CRYL1: variants seen among roughly 807,000 people sequenced by gnomAD.
CRYL1 encodes lambda-crystallin homolog.
In CRYL1, 29 loss-of-function variants were observed where a neutral mutation model predicts 36.6. The ratio of observed to expected loss-of-function variants is 0.79; its 90% CI spans 0.59 to 1.08. The LOEUF is 1.08. Among genes scored for constraint, CRYL1 ranks in the 50% least tolerant of loss-of-function variants. The probability of loss-of-function intolerance (pLI) is 0.00; values close to 1 mark genes in which losing one functional copy is unlikely to be tolerated. For missense variants in CRYL1, 411 were observed against 407.9 expected, an observed-to-expected ratio of 1.01 and a Z score of -0.06; for synonymous variants, 152 against 151.5, an observed-to-expected ratio of 1.00 and a Z score of -0.02.
chr13:20,423,955 G>A (rs1229865418), intron 5 of CRYL1, among the ~76,000 whole-genome samples: 4 of 152,078 alleles, frequency 2.6e-5, no homozygotes, highest in East Asian at 1.9e-4. Flanking sequence ...ATTTTTAATA[G>A]AGACGGGGTT....
intron 3 of CRYL1, among the ~76,000 whole-genome samples, chr13:20,466,047 C>A (rs1283229879): frequency 6.6e-6 from 1 of 152,070 alleles, no homozygotes; most frequent in East Asian, 1.9e-4. Context: ...GTGGGAGCAG[C>A]CTAAAGCCCT....
chr13:20,410,539 T>C (rs1394818813), intron 6 of CRYL1, among the ~76,000 whole-genome samples: 2 of 151,752 alleles, frequency 1.3e-5, no homozygotes, highest in Non-Finnish European at 2.9e-5. Flanking sequence ...ATAATAATAA[T>C]AAATAAATAA....
intron 1 of CRYL1, among the ~76,000 whole-genome samples, chr13:20,522,257 G>A (rs575511278): frequency 6.8e-4 from 104 of 152,208 alleles, no homozygotes; most frequent in Middle Eastern, 3.4e-3. Context: ...GGCTGAGGCA[G>A]GAGAATTGCT....
At chr13:20,470,825 G>A (rs573009017) in intron 3 of CRYL1, among the ~76,000 whole-genome samples, 51 of 148,918 alleles carry the variant, frequency 3.4e-4, no homozygotes, top group East Asian at 1.4e-3. Flanking sequence ...CAGGAGAATC[G>A]CTTGAACCCA....
chr13:20,468,764 C>T (rs547774649), intron 3 of CRYL1, among the ~76,000 whole-genome samples: 1 of 152,180 alleles, frequency 6.6e-6, no homozygotes, highest in African/African-American at 2.4e-5. Flanking sequence ...TACCGCCATG[C>T]CTGGCTAATT....
rs2033790613 is a variant in CRYL1 at position 20,505,974 on chromosome 13, CTTACA to C, written c.149+6464_149+6468del. ...TGAACTCATTGCACTGACCAAAATA[CTTACA>C]AAAACAAAGTTTGGTTTCAGTCCTT... is the stretch of plus-strand genomic sequence containing the variant. On this transcript the variant is annotated intron_variant, in intron 2 of 7. Transcript: ENST00000298248. 2.0e-5 allele frequency among the ~76,000 whole-genome samples: 3 copies of C among 152,138 alleles called. No homozygotes were observed. The South Asian group carries it at 6.2e-4, about 32-fold the overall frequency.
At chr13:20,414,743 T>C (rs1367018118) in intron 5 of CRYL1, among the ~76,000 whole-genome samples, 1 of 152,228 alleles carries the variant, frequency 6.6e-6, no homozygotes, top group African/African-American at 2.4e-5. Context: ...CCTGTGTTCC[T>C]TGGCCTCACG....
intron 5 of CRYL1, among the ~76,000 whole-genome samples, chr13:20,420,955 G>A (rs948541617): frequency 6.6e-6 from 1 of 151,774 alleles, no homozygotes; most frequent in African/African-American, 2.4e-5. Context: ...GGATGGTCTC[G>A]ATCTCCTGAC....
At chr13:20,460,175 C>A (rs900861466) in intron 3 of CRYL1, among the ~76,000 whole-genome samples, 1 of 152,026 alleles carries the variant, frequency 6.6e-6, no homozygotes, top group Non-Finnish European at 1.5e-5. Context: ...TATCTGCAGG[C>A]CTTTAGGTTG....
At chr13:20,482,068 G>A (rs1180743528) in intron 3 of CRYL1, among the ~76,000 whole-genome samples, 1 of 151,322 alleles carries the variant, frequency 6.6e-6, no homozygotes, top group African/African-American at 2.4e-5. Flanking sequence ...AATATTCTGA[G>A]TCTCAGTGAA....
At chr13:20,521,791 GA>G (rs926043187) in intron 1 of CRYL1, among the ~76,000 whole-genome samples, 50 of 152,126 alleles carry the variant, frequency 3.3e-4, no homozygotes, top group African/African-American at 1.2e-3. Context: ...AGATACATTT[GA>G]AAGTATCTTT....
intron 1 of CRYL1, among the ~76,000 whole-genome samples, chr13:20,516,994 A>G (rs2034011255): frequency 6.6e-6 from 1 of 152,090 alleles, no homozygotes; most frequent in Non-Finnish European, 1.5e-5. Context: ...GGATCACTTG[A>G]GCCCAGGAGT....
intron 2 of CRYL1, among the ~76,000 whole-genome samples, chr13:20,495,390 A>G (rs2033587423): frequency 6.6e-6 from 1 of 152,210 alleles, no homozygotes; most frequent in Non-Finnish European, 1.5e-5. Flanking sequence ...AAAATTAGAG[A>G]AAAGGAAATG....
intron 3 of CRYL1, among the ~76,000 whole-genome samples, chr13:20,480,395 AT>A (rs71077706): frequency 0.042 from 6,355 of 150,200 alleles, 271 homozygotes; most frequent in Admixed American, 0.14. Flanking sequence ...AAAAAAAAAA[AT>A]TACCGTCTTC....
intron 6 of CRYL1, among the ~76,000 whole-genome samples, chr13:20,412,557 A>T (rs772568974): frequency 8.5e-5 from 13 of 152,162 alleles, no homozygotes; most frequent in Non-Finnish European, 1.8e-4. Flanking sequence ...TAGTTTTAAA[A>T]TTTTACTTTG....
At chr13:20,512,608 T>A in intron 1 of CRYL1, 58 bp from the exon 2 acceptor site, 1 of 1,293,546 alleles carries the variant, frequency 7.7e-7, no homozygotes, top group Non-Finnish European at 1.1e-6. Flanking sequence ...GGCTTTTCAT[T>A]CCTAACCCAG....
chr13:20,501,459 GA>G (rs1471240887), intron 2 of CRYL1, among the ~76,000 whole-genome samples: 1 of 152,196 alleles, frequency 6.6e-6, no homozygotes, highest in Non-Finnish European at 1.5e-5. Flanking sequence ...GCTTCCTGAG[GA>G]ATAAAGGGCA....
At chr13:20,472,604 C>G (rs541471239) in intron 3 of CRYL1, among the ~76,000 whole-genome samples, 23 of 152,294 alleles carry the variant, frequency 1.5e-4, no homozygotes, top group African/African-American at 4.3e-4. Context: ...GCAAGGCTAG[C>G]TAGAGTCAAA....
chr13:20,494,656 T>TAGC lies in CRYL1; in HGVS notation c.150-5163_150-5161dup, dbSNP rs1046045293. On this transcript the variant is annotated intron_variant, in intron 2 of 7. Coordinates refer to ENST00000298248, the MANE Select transcript of CRYL1 (RefSeq NM_015974.3). Reference sequence around the variant, plus strand: ...TTTCCACTAATCCAAAGCAAACTTTTAGCCTTTTTTCCCAAAAGTACTGCA... The same window carrying TAGC: ...TTTCCACTAATCCAAAGCAAACTTTTAGCAGCCTTTTTTCCCAAAAGTACTGCA... Among the ~76,000 whole-genome samples, 16 of 152,338 alleles carry TAGC rather than the reference T, an allele frequency of 1.1e-4. No homozygotes were observed. The East Asian group carries it at 2.7e-3, about 26-fold the overall frequency.
Sources: gnomAD v4.1 joint callset for allele counts (sites outside exome capture counted in the v4.1 genomes callset) on GRCh38, gnomAD v4.1.1 for gene constraint, MANE v1.5 for transcripts, NCBI Gene and HGNC (gene_info 2026-07-23, HGNC 2026-07-21) for gene names.